The following TMCC3 variants were observed in gnomAD, a reference collection of about 807,000 sequenced individuals.
TMCC3 encodes the protein transmembrane and coiled-coil domain family 3.
TMCC3 carries 28 observed loss-of-function variants against 40.2 expected under a neutral mutation model. That is an observed-to-expected ratio of 0.70 (90% CI 0.52 to 0.95). The LOEUF is 0.95. Ranked by LOEUF, TMCC3 falls within the 40% of genes least tolerant of loss-of-function variation. The pLI is 0.00. For synonymous variants in TMCC3, 255 were observed against 248.5 expected (o/e 1.03, Z -0.25); for missense variants, 554 against 615.2 (o/e 0.90, Z 1.05).
At chr12:94,578,063 C>T (rs1311278992) in intron 3 of TMCC3, among the ~76,000 whole-genome samples, 3 of 142,350 alleles carry the variant, frequency 2.1e-5, no homozygotes, top group East Asian at 2.1e-4. Context: ...GCAGAAGAAT[C>T]GTTTGAACTC....
chr12:94,581,461 T>G (rs2068600501), intron 2 of TMCC3, among the ~76,000 whole-genome samples, 161 bp downstream of exon 2: 1 of 152,160 alleles, frequency 6.6e-6, no homozygotes, highest in Non-Finnish European at 1.5e-5. Context: ...GCAATCTCTC[T>G]GCAGTAACTC....
chr12:94,573,713 T>C (rs1055353359), intron 3 of TMCC3, among the ~76,000 whole-genome samples: 1 of 152,204 alleles, frequency 6.6e-6, no homozygotes, highest in South Asian at 2.1e-4. Flanking sequence ...GAATTACAAG[T>C]GCGAGCCACC....
intron 1 of TMCC3, among the ~76,000 whole-genome samples, chr12:94,589,638 C>G (rs772569690): frequency 6.6e-6 from 1 of 151,278 alleles, no homozygotes; most frequent in Non-Finnish European, 1.5e-5. Context: ...TGGGGGCACA[C>G]AGCCAGTAAC....
intron 1 of TMCC3, among the ~76,000 whole-genome samples, chr12:94,647,513 C>A (rs1463010868): frequency 6.6e-6 from 1 of 152,218 alleles, no homozygotes; most frequent in East Asian, 1.9e-4. Context: ...TAGGCAGAAA[C>A]TCCATATCCC....
At chr12:94,618,294 T>C (rs1291972227) in intron 1 of TMCC3, among the ~76,000 whole-genome samples, 1 of 152,214 alleles carries the variant, frequency 6.6e-6, no homozygotes, top group Admixed American at 6.5e-5. Context: ...ATCTCCAGCT[T>C]AGCTCCTAAA....
chr12:94,580,986 T>C (rs553341495), intron 2 of TMCC3, among the ~76,000 whole-genome samples: 5 of 152,202 alleles, frequency 3.3e-5, no homozygotes, highest in East Asian at 3.8e-4. Flanking sequence ...CCTTCTCTAA[T>C]TGTCAGCTAA....
chr12:94,646,151 G>A (rs572918857), intron 1 of TMCC3, among the ~76,000 whole-genome samples: 1 of 152,244 alleles, frequency 6.6e-6, no homozygotes, highest in South Asian at 2.1e-4. Flanking sequence ...ACAGAAGTTG[G>A]TGAAGGTCAT....
At chr12:94,638,430 C>A (rs544795460) in intron 1 of TMCC3, among the ~76,000 whole-genome samples, 1 of 152,304 alleles carries the variant, frequency 6.6e-6, no homozygotes. Flanking sequence ...ATAAGCACCC[C>A]TCTCAAGCAT....
intron 1 of TMCC3, among the ~76,000 whole-genome samples, chr12:94,601,366 T>C (rs1416344437): frequency 6.6e-6 from 1 of 151,840 alleles, no homozygotes; most frequent in African/African-American, 2.4e-5. Flanking sequence ...AATACAAAAA[T>C]TAGCTGGGCA....
rs569409741 is a variant in TMCC3, at chr12:94,571,711, G to A, written c.1158C>T (p.Arg386=). Residue 386 remains arginine, a synonymous_variant, in exon 4 of 4, where the codon CGC becomes CGT. Coordinates refer to ENST00000261226, the MANE Select transcript of TMCC3 (RefSeq NM_020698.4). ...GCTGGTGGAGCTCCAGCTTAGAAAT[G>A]CGAGTCTGGCAGGATTCCAAGGCTT... The part of the protein sequence containing the change: ...IQEALESCQT[R]ISKLELHQQE... 1 of 1,614,100 alleles carries A rather than the reference G, an allele frequency of 6.2e-7. No homozygotes were observed. Among genetic ancestry groups the A allele is most frequent in the South Asian group, 1.1e-5 (1 of 91,084 alleles).
chr12:94,618,235 G>A (rs567967292), intron 1 of TMCC3, among the ~76,000 whole-genome samples: 2 of 151,978 alleles, frequency 1.3e-5, no homozygotes, highest in East Asian at 3.9e-4. Flanking sequence ...CTATTTTTAC[G>A]GCTGCCTTCC....
At chr12:94,644,701 T>C (rs2069008842) in intron 1 of TMCC3, among the ~76,000 whole-genome samples, 2 of 152,342 alleles carry the variant, frequency 1.3e-5, no homozygotes, top group South Asian at 4.1e-4. Flanking sequence ...GATATCTGTG[T>C]ACTACTCAAC....
chr12:94,610,226 G>A (rs938838074), intron 1 of TMCC3, among the ~76,000 whole-genome samples: 18 of 152,130 alleles, frequency 1.2e-4, no homozygotes, highest in African/African-American at 4.1e-4. Context: ...ACCATAGAGT[G>A]TATTTGCACT....
At chr12:94,606,730 A>G (rs1269394376) in intron 1 of TMCC3, among the ~76,000 whole-genome samples, 1 of 152,162 alleles carries the variant, frequency 6.6e-6, no homozygotes, top group Non-Finnish European at 1.5e-5. Flanking sequence ...AAAACCAGCA[A>G]GTTTTTATTA....
chr12:94,597,660 G>T (rs1380738967), intron 1 of TMCC3, among the ~76,000 whole-genome samples: 4 of 152,002 alleles, frequency 2.6e-5, no homozygotes, highest in East Asian at 3.9e-4. Flanking sequence ...ACAAAAACTA[G>T]CCAGGAATGG....
chr12:94,634,535 C>T (rs2068950286), intron 1 of TMCC3, among the ~76,000 whole-genome samples: 1 of 152,136 alleles, frequency 6.6e-6, no homozygotes, highest in African/African-American at 2.4e-5. Flanking sequence ...TTCATTTGAG[C>T]CCTGAGTACT....
intron 1 of TMCC3, among the ~76,000 whole-genome samples, chr12:94,634,798 C>T (rs1412747170): frequency 1.3e-5 from 2 of 152,204 alleles, no homozygotes; most frequent in African/African-American, 2.4e-5. Flanking sequence ...TCTGTGAATG[C>T]CTCTAAATTG....
intron 1 of TMCC3, among the ~76,000 whole-genome samples, chr12:94,597,155 A>ATATATG (rs2068721940): frequency 1.4e-4 from 2 of 14,342 alleles, no homozygotes; most frequent in Middle Eastern, 0.071. Flanking sequence ...ATATATATAT[A>ATATATG]TATGTATATA....
intron 1 of TMCC3, among the ~76,000 whole-genome samples, chr12:94,592,689 T>G (rs1016012471): frequency 2.5e-4 from 17 of 68,914 alleles, no homozygotes; most frequent in African/African-American, 7.7e-4. Flanking sequence ...AAAAATTCTA[T>G]TTCCTGAGAG....
Sources: gnomAD v4.1 joint callset for allele counts (sites outside exome capture counted in the v4.1 genomes callset) on GRCh38, gnomAD v4.1.1 for gene constraint, MANE v1.5 for transcripts, NCBI Gene and HGNC (gene_info 2026-07-23, HGNC 2026-07-21) for gene names.